Variants in IFT88 observed in about 807,000 individuals in gnomAD.
IFT88 encodes the protein intraflagellar transport 88.
In IFT88, 74 loss-of-function variants were observed where a neutral mutation model predicts 119.5. The ratio of observed to expected loss-of-function variants is 0.62; its 90% confidence interval spans 0.51 to 0.75. IFT88 has a LOEUF of 0.75. Ranked by LOEUF, IFT88 falls within the 30% of genes least tolerant of loss-of-function variation. The pLI is 0.00. For missense variants in IFT88, 961 were observed against 977.7 expected (o/e 0.98, Z 0.23); for synonymous variants, 279 against 316.7 (o/e 0.88, Z 1.26).
intron 22 of IFT88, among the ~76,000 whole-genome samples, chr13:20,657,462 A>C (rs1371731321): frequency 6.6e-6 from 1 of 152,236 alleles, no homozygotes; most frequent in Non-Finnish European, 1.5e-5. Flanking sequence ...TTTTATGTGG[A>C]AATATAAAGC....
intron 19 of IFT88, among the ~76,000 whole-genome samples, chr13:20,644,155 C>T (rs1275671740): frequency 2.0e-5 from 3 of 152,044 alleles, no homozygotes; most frequent in Non-Finnish European, 4.4e-5. Flanking sequence ...TTGCTTAAGA[C>T]CAAGAGATGA....
At chr13:20,685,873 C>G (rs541944163) in intron 24 of IFT88, among the ~76,000 whole-genome samples, 85 of 152,282 alleles carry the variant, frequency 5.6e-4, no homozygotes, top group Non-Finnish European at 1.0e-3. Context: ...AAACAAGACT[C>G]CATCTCAAAA....
At chr13:20,622,750 G>T (rs80143121) in intron 14 of IFT88, among the ~76,000 whole-genome samples, 6,521 of 151,952 alleles carry the variant, frequency 0.043, 185 homozygotes, top group Middle Eastern at 0.075. Context: ...TGCATGATTT[G>T]CAAATATTTT....
chr13:20,630,908 G>T (rs969837250), intron 15 of IFT88, 108 bp from the exon 16 acceptor site: 5 of 574,736 alleles, frequency 8.7e-6, no homozygotes, highest in East Asian at 5.5e-5. Flanking sequence ...CACCCCTTTT[G>T]TGCCCTTCCC....
At chr13:20,615,987 C>T (rs2045545557) in intron 14 of IFT88, 108 bp downstream of exon 14, 1 of 533,826 alleles carries the variant, frequency 1.9e-6, no homozygotes, top group African/African-American at 2.0e-5. Flanking sequence ...AATGTTGATT[C>T]ATATTTATCA....
intron 17 of IFT88, among the ~76,000 whole-genome samples, chr13:20,639,146 A>G (rs2049472938): frequency 6.6e-6 from 1 of 152,108 alleles, no homozygotes; most frequent in Admixed American, 6.5e-5. Context: ...TGTCTCTTGG[A>G]TTATTAATAA....
intron 13 of IFT88, among the ~76,000 whole-genome samples, chr13:20,613,522 G>T (rs1313141434): frequency 6.6e-6 from 1 of 152,016 alleles, no homozygotes; most frequent in Non-Finnish European, 1.5e-5. Context: ...GCATACAAGT[G>T]CCCCAAAAGG....
rs180780568 is a variant in IFT88 at position 20,573,375 on chromosome 13, G to A, written c.-6-1005G>A. Among the ~76,000 whole-genome samples the A allele has an allele frequency of 2.6e-5, 4 of 152,126 alleles. No individual in the cohort carries two copies. In the South Asian group the frequency reaches 6.2e-4, roughly 24 times the overall value. ...GCTTGAAACAAAGGCCAAATGGAGC[G>A]CCTGTCCAAGGTTACATGAAGTCTG... On this transcript the variant is annotated intron_variant, in intron 1 of 25. Coordinates refer to ENST00000351808, the MANE Select transcript of IFT88 (RefSeq NM_006531.5).
At chr13:20,688,102 G>A (rs1286114273) in intron 24 of IFT88, among the ~76,000 whole-genome samples, 2 of 152,216 alleles carry the variant, frequency 1.3e-5, no homozygotes, top group Non-Finnish European at 2.9e-5. Flanking sequence ...TTGGGAGGCC[G>A]AGGCAGGCGC....
intron 25 of IFT88, 74 bp downstream of exon 25, chr13:20,690,889 G>C: frequency 7.2e-7 from 1 of 1,386,952 alleles, no homozygotes; most frequent in Non-Finnish European, 1.0e-6. Flanking sequence ...AAAAGGTGTT[G>C]CTGGGAATTC....
intron 7 of IFT88, among the ~76,000 whole-genome samples, chr13:20,595,581 C>A (rs147264099): frequency 6.6e-6 from 1 of 151,874 alleles, no homozygotes; most frequent in African/African-American, 2.4e-5. Context: ...GGAGCCACCA[C>A]GCCTGGCCAT....
Position 20,627,192 on chromosome 13 carries a change from T to C in IFT88, c.1299+1343T>C, listed in dbSNP as rs143627698. On this transcript the variant is annotated intron_variant, in intron 15 of 25. Coordinates refer to ENST00000351808, the MANE Select transcript of IFT88 (RefSeq NM_006531.5). ...CATTTGAAAAAGACTTTTCAAAGTA[T>C]CTATCCTGTCATTTAATCATCACAT... is the stretch of plus-strand genomic sequence containing the variant. Among the ~76,000 whole-genome samples the C allele has an allele frequency of 1.5e-3, 232 of 152,360 alleles. 1 individual carries two copies. Among genetic ancestry groups the C allele is most frequent in the African/African-American group, 5.4e-3 (225 of 41,588 alleles).
chr13:20,644,978 TTA>T lies in IFT88; in HGVS notation c.1949+22_1949+23del, dbSNP rs2050512458. The T allele has an allele frequency of 8.9e-7, 1 of 1,128,782 alleles. No individual in the cohort carries two copies. The highest frequency in any genetic ancestry group is 1.3e-6 in the Non-Finnish European group (1 of 754,522). 69.9% of individuals were successfully genotyped at this position (1,128,782 alleles called of 1,614,324 possible). A position where few individuals can be genotyped will look rare whatever the true frequency, so the allele number is the denominator to read the frequency against. ...TATACAGTAAGTAATCATTAGGATTTTATGTTTAGTTAATGTCATGTCTTGAG... is the reference window on the plus strand; with the variant it reads ...TATACAGTAAGTAATCATTAGGATTTTGTTTAGTTAATGTCATGTCTTGAG... On this transcript the variant is annotated intron_variant, in intron 20 of 25. Transcript: ENST00000351808.
intron 15 of IFT88, among the ~76,000 whole-genome samples, chr13:20,629,146 A>G (rs1412931943): frequency 6.6e-6 from 1 of 152,210 alleles, no homozygotes; most frequent in East Asian, 1.9e-4. Context: ...CAAGTGCCTT[A>G]TATTTTAAAG....
intron 1 of IFT88, 122 bp from the exon 2 acceptor site, chr13:20,574,249 GATCAAGGCT>G (rs1284696743): frequency 4.7e-6 from 2 of 426,440 alleles, no homozygotes; most frequent in Non-Finnish European, 8.4e-6. Context: ...GTGCCAGAGA[GATCAAGGCT>G]ATAGTGAGCC....
chr13:20,630,334 A>T (rs2048009776), intron 15 of IFT88, among the ~76,000 whole-genome samples: 1 of 152,182 alleles, frequency 6.6e-6, no homozygotes, highest in South Asian at 2.1e-4. Flanking sequence ...CAGTGCCTTC[A>T]AAAAATATTT....
intron 4 of IFT88, 80 bp from the exon 5 acceptor site, chr13:20,590,887 G>A: frequency 3.1e-6 from 3 of 978,822 alleles, no homozygotes; most frequent in Non-Finnish European, 4.8e-6. Context: ...ATAGAATGAA[G>A]AAAACTTCTA....
At chr13:20,681,686 GTAAA>G (rs1247347082) in intron 24 of IFT88, among the ~76,000 whole-genome samples, 1 of 152,202 alleles carries the variant, frequency 6.6e-6, no homozygotes, top group African/African-American at 2.4e-5. Flanking sequence ...TTGTAATTGG[GTAAA>G]TAAAGTCATC....
intron 9 of IFT88, among the ~76,000 whole-genome samples, chr13:20,597,769 A>ATATATATATATATATATATATATTTTTT (rs1452719272): frequency 1.9e-4 from 28 of 143,784 alleles, no homozygotes; most frequent in Non-Finnish European, 3.7e-4. Flanking sequence ...ATATATATAT[A>ATATATATATATATATATATATATTTTTT]TTTTTTTTTT....
Sources: allele counts gnomAD v4.1 joint callset (sites outside exome capture counted in the v4.1 genomes callset), GRCh38; gene constraint gnomAD v4.1.1; transcripts MANE v1.5; gene names NCBI Gene and HGNC (gene_info 2026-07-23, HGNC 2026-07-21).